Variants in C8B observed in about 807,000 individuals in gnomAD.
The protein encoded by C8B is complement component C8 beta chain.
Under a neutral mutation model 64.6 loss-of-function variants are expected in C8B, and 67 were observed. The ratio of observed to expected loss-of-function variants is 1.04; its 90% CI spans 0.85 to 1.27. C8B has a LOEUF of 1.27. Among genes scored for constraint, C8B ranks in the 50% most tolerant of loss-of-function variants. The pLI is 0.00. For missense variants in C8B, 790 were observed against 725.2 expected, an observed-to-expected ratio of 1.09 and a Z score of -1.03; for synonymous variants, 284 against 257.7, an observed-to-expected ratio of 1.10 and a Z score of -0.98.
chr1:56,940,327 G>C (rs950561674), intron 9 of C8B, among the ~76,000 whole-genome samples: 3 of 151,858 alleles, frequency 2.0e-5, no homozygotes, highest in African/African-American at 7.3e-5. Flanking sequence ...CAGCACTTTG[G>C]GAGGCAAAAG....
intron 2 of C8B, among the ~76,000 whole-genome samples, 174 bp downstream of exon 2, chr1:56,959,846 A>T (rs780658716): frequency 2.0e-5 from 3 of 152,216 alleles, no homozygotes; most frequent in Non-Finnish European, 4.4e-5. Flanking sequence ...GGAGAACCAA[A>T]GGAAAGAACT....
intron 8 of C8B, among the ~76,000 whole-genome samples, chr1:56,941,991 A>G (rs187284578): frequency 4.1e-4 from 63 of 152,352 alleles, no homozygotes; most frequent in Middle Eastern, 3.4e-3. Context: ...TCTCATCTAT[A>G]AAGTGGATAC....
At chr1:56,964,384 C>A (rs535498326) in intron 1 of C8B, among the ~76,000 whole-genome samples, 1 of 152,284 alleles carries the variant, frequency 6.6e-6, no homozygotes, top group South Asian at 2.1e-4. Context: ...TGACATGATG[C>A]CTGTTCACTC....
At chr1:56,940,828 G>A (rs201316731) in intron 9 of C8B, 21 bp downstream of exon 9, 8 of 1,613,720 alleles carry the variant, frequency 5.0e-6, no homozygotes, top group East Asian at 2.2e-5. Context: ...AGGAAAGGAT[G>A]GGTAGAGCAG....
rs1278162445 is a variant in C8B, at chr1:56,943,723, A to C, written c.1207T>G (p.Cys403Gly). 1 of 1,614,136 alleles carries C rather than the reference A, an allele frequency of 6.2e-7. No individual in the cohort carries two copies. Among genetic ancestry groups the C allele is most frequent in the Admixed American group, 1.7e-5 (1 of 60,020 alleles). ...YVSLGVSVGK[C>G]RGILNEIKDR... ...TTTATTTCATTCAGAATACCTCTGC[A>C]TTTGCCTACAGACACACCCAGACTG... Residue 403 changes from cysteine (C) to glycine (G), a missense_variant, in exon 8 of 12, where the codon TGC (cysteine) becomes GGC (glycine). Transcript: ENST00000371237.
At position 56,929,557 on chromosome 1, in the gene C8B, A is replaced by T; in HGVS notation, c.1623T>A (p.Asn541Lys). Reference sequence around the variant, plus strand: ...AATTCCACTTCCCATCAATGGGGGTATCTATAAGAAAGAAGGTCAATAAGC... The same window carrying T: ...AATTCCACTTCCCATCAATGGGGGTTTCTATAAGAAAGAAGGTCAATAAGC... ...GLACEVSYRK[N>K]TPIDGKWNCW... The change falls in exon 12 of 12, where the codon AAT becomes AAA. Residue 541 changes from asparagine (N) to lysine (K), a missense_variant and splice_region_variant. Coordinates refer to ENST00000371237, the MANE Select transcript of C8B (RefSeq NM_000066.4). The T allele has an allele frequency of 6.2e-7, 1 of 1,613,672 alleles. No individual in the cohort carries two copies. Among genetic ancestry groups the T allele is most frequent in the Non-Finnish European group, 8.5e-7 (1 of 1,179,628 alleles).
chr1:56,934,619 G>A (rs1644750296), intron 9 of C8B, among the ~76,000 whole-genome samples: 1 of 152,120 alleles, frequency 6.6e-6, no homozygotes, highest in Admixed American at 6.5e-5. Context: ...ACTAATAGAA[G>A]CCTCCCTTGG....
intron 3 of C8B, 99 bp from the exon 4 acceptor site, chr1:56,954,926 C>T (rs761056914): frequency 7.3e-7 from 1 of 1,368,660 alleles, no homozygotes; most frequent in East Asian, 2.3e-5. Context: ...TTTGTCAGGC[C>T]TTGCATGCTG....
At chr1:56,933,262 G>A (rs1644727917) in intron 10 of C8B, 73 bp downstream of exon 10, 1 of 1,273,832 alleles carries the variant, frequency 7.9e-7, no homozygotes, top group South Asian at 1.2e-5. Flanking sequence ...AACAGAAGCA[G>A]GCAAATGGCT....
chr1:56,930,242 A>G (rs1570366759), intron 11 of C8B, among the ~76,000 whole-genome samples: 1 of 152,342 alleles, frequency 6.6e-6, no homozygotes, highest in Non-Finnish European at 1.5e-5. Flanking sequence ...AGATGAAGTG[A>G]CAACAGACAC....
rs1364639043 is a variant in C8B at position 56,960,102 on chromosome 1, A to ACACTCCGC, written c.159_166dup (p.Val56GlyfsTer8). The ACACTCCGC allele has an allele frequency of 1.2e-6, 2 of 1,614,164 alleles. No individual in the cohort carries two copies. The highest frequency in any genetic ancestry group is 3.3e-5 in the Admixed American group (2 of 60,022). ...ATCAATGGGCATCAGGGTAACATCCACACTCCGCATCTGTCTGCTCTTAGC... is the reference window on the plus strand; with the variant it reads ...ATCAATGGGCATCAGGGTAACATCCACACTCCGCCACTCCGCATCTGTCTGCTCTTAGC... On this transcript the variant is annotated frameshift_variant, in exon 2 of 12. Coordinates refer to ENST00000371237, the MANE Select transcript of C8B (RefSeq NM_000066.4). LOFTEE classifies it high-confidence loss of function.
At chr1:56,935,437 C>A (rs9661996) in intron 9 of C8B, among the ~76,000 whole-genome samples, 18,783 of 152,128 alleles carry the variant, frequency 0.12, 1,471 homozygotes, top group Non-Finnish European at 0.18. Context: ...CCCAAATACA[C>A]AGTTCTAACC....
chr1:56,956,863 C>T lies in C8B; in HGVS notation c.297G>A (p.Pro99=), dbSNP rs151032934. ...CGACTTCCTTGTCAGAGAAGTTGCA[C>T]GGTTCCCCATGGAACTGAGAGGGCT... ...LLQPSQFHGE[P]CNFSDKEVED... Residue 99 remains proline (P), a synonymous_variant, in exon 3 of 12, where the codon CCG becomes CCA. Transcript: ENST00000371237. 3.9e-4 allele frequency: 623 copies of T among 1,614,100 alleles called. 2 individuals carry two copies. The highest frequency in any genetic ancestry group is 2.1e-4 in the African/African-American group (16 of 75,046).
Position 56,943,836 on chromosome 1 carries a change from A to G in C8B, c.1106-12T>C. ...GTTAAGAGTATAATCTGAAGAAAACAAGGAAAAAGGTCCATGACGTAAAAG... is the reference window on the plus strand; with the variant it reads ...GTTAAGAGTATAATCTGAAGAAAACGAGGAAAAAGGTCCATGACGTAAAAG... On this transcript the variant is annotated splice_polypyrimidine_tract_variant and intron_variant, in intron 7 of 11. Transcript: ENST00000371237. 6.2e-7 allele frequency: 1 copy of G among 1,613,856 alleles called. No homozygotes were observed.
rs371177945 is a variant in C8B, at chr1:56,952,121, C to G, written c.593G>C (p.Gly198Ala). 6.2e-6 allele frequency: 10 copies of G among 1,614,166 alleles called. No individual in the cohort carries two copies. In the South Asian group the frequency reaches 7.7e-5, roughly 12 times the overall value. ...CAGGATGTAATGCGGGGAGCATCCA[C>G]CTGCATAATACCTGTGATCAAGAAC... The part of the protein sequence containing the change: ...GPVLDHRYYA[G>A]GCSPHYILNT... Residue 198 changes from glycine to alanine, a missense_variant, in exon 5 of 12, where the codon GGT becomes GCT. By Grantham distance (60) the Gly-to-Ala change is moderately conservative (BLOSUM62 0). Coordinates refer to ENST00000371237, the MANE Select transcript of C8B (RefSeq NM_000066.4).
At chr1:56,957,602 A>G (rs1387141288) in intron 2 of C8B, among the ~76,000 whole-genome samples, 1 of 152,200 alleles carries the variant, frequency 6.6e-6, no homozygotes, top group African/African-American at 2.4e-5. Context: ...ATTGCTTTTT[A>G]GCAGTCAATA....
Position 56,942,329 on chromosome 1 carries a change from G to A in C8B, c.1235-1317C>T, listed in dbSNP as rs573975150. Reference sequence around the variant, plus strand: ...TAAAGCAATTATTATTTTGACTTACGGAGTTGCCCAGAAAGCCCTCAATCA... The same window carrying A: ...TAAAGCAATTATTATTTTGACTTACAGAGTTGCCCAGAAAGCCCTCAATCA... On this transcript the variant is annotated intron_variant, in intron 8 of 11. Coordinates refer to ENST00000371237, the MANE Select transcript of C8B (RefSeq NM_000066.4). 2.0e-4 allele frequency among the ~76,000 whole-genome samples: 30 copies of A among 152,278 alleles called. No individual in the cohort carries two copies. The South Asian group carries it at 2.7e-3, about 14-fold the overall frequency.
intron 5 of C8B, among the ~76,000 whole-genome samples, chr1:56,951,498 G>T (rs981763622): frequency 2.0e-5 from 3 of 152,066 alleles, no homozygotes; most frequent in Non-Finnish European, 4.4e-5. Context: ...TCATAATAGG[G>T]GCTTACATTG....
intron 7 of C8B, among the ~76,000 whole-genome samples, chr1:56,944,766 AGACTGAG>A (rs1317271369): frequency 6.6e-6 from 1 of 152,232 alleles, no homozygotes; most frequent in Non-Finnish European, 1.5e-5. Context: ...GATTTTGACA[AGACTGAG>A]GCCACACTGT....
Sources: allele counts gnomAD v4.1 joint callset (sites outside exome capture counted in the v4.1 genomes callset), GRCh38; gene constraint gnomAD v4.1.1; transcripts MANE v1.5; gene names NCBI Gene and HGNC (gene_info 2026-07-23, HGNC 2026-07-21).